GRM8: variants seen among roughly 807,000 people sequenced by gnomAD.
The protein encoded by GRM8 is metabotropic glutamate receptor 8.
GRM8 carries 47 observed loss-of-function variants against 87.2 expected under a neutral mutation model. That is an observed-to-expected ratio of 0.54 (90% CI 0.43 to 0.69). GRM8 has a LOEUF of 0.69. Among genes scored for constraint, GRM8 ranks in the 30% least tolerant of loss-of-function variants. The probability of loss-of-function intolerance (pLI) is 0.00; values close to 1 mark genes in which losing one functional copy is unlikely to be tolerated. For synonymous variants in GRM8, 396 were observed against 404.5 expected (o/e 0.98, Z 0.25); for missense variants, 1,019 against 1,139.2 (o/e 0.89, Z 1.52).
At chr7:126,653,481 A>G (rs1054848487) in intron 7 of GRM8, among the ~76,000 whole-genome samples, 3 of 152,310 alleles carry the variant, frequency 2.0e-5, no homozygotes, top group Middle Eastern at 3.4e-3. Context: ...GTCTCAAATT[A>G]TATTAAATAA....
chr7:126,557,417 C>G (rs370910432), intron 8 of GRM8, among the ~76,000 whole-genome samples: 2 of 152,306 alleles, frequency 1.3e-5, no homozygotes, highest in East Asian at 3.9e-4. Flanking sequence ...TTCTCGCACA[C>G]CAGCACAGGG....
At chr7:126,770,271 CA>C (rs1217114404) in intron 6 of GRM8, among the ~76,000 whole-genome samples, 1 of 152,084 alleles carries the variant, frequency 6.6e-6, no homozygotes, top group African/African-American at 2.4e-5. Flanking sequence ...TCATTAGCAA[CA>C]AAAAGATATA....
intron 9 of GRM8, among the ~76,000 whole-genome samples, chr7:126,484,622 A>T (rs1348161005): frequency 1.3e-5 from 2 of 152,200 alleles, no homozygotes; most frequent in East Asian, 3.9e-4. Flanking sequence ...CTTTACTCCA[A>T]GCAAGAAATT....
At chr7:127,108,211 A>G (rs1826000690) in intron 2 of GRM8, among the ~76,000 whole-genome samples, 1 of 152,140 alleles carries the variant, frequency 6.6e-6, no homozygotes, top group Non-Finnish European at 1.5e-5. Context: ...GACTACTCGC[A>G]AGGACACCCC....
chr7:126,794,716 G>C (rs1821770293), intron 6 of GRM8, among the ~76,000 whole-genome samples: 1 of 152,156 alleles, frequency 6.6e-6, no homozygotes, highest in South Asian at 2.1e-4. Flanking sequence ...GTTTGTCAAA[G>C]TGTGGTGGTT....
At chr7:127,173,815 G>A (rs1249307139) in intron 2 of GRM8, among the ~76,000 whole-genome samples, 1 of 152,084 alleles carries the variant, frequency 6.6e-6, no homozygotes, top group Non-Finnish European at 1.5e-5. Flanking sequence ...CGCACACCTG[G>A]TCAACCCTTT....
chr7:127,129,467 C>T (rs1827555269), intron 2 of GRM8, among the ~76,000 whole-genome samples: 1 of 152,216 alleles, frequency 6.6e-6, no homozygotes, highest in South Asian at 2.1e-4. Flanking sequence ...TATACATGTA[C>T]TCATGTAAGT....
intron 3 of GRM8, among the ~76,000 whole-genome samples, chr7:126,991,666 T>C (rs1217368877): frequency 1.3e-5 from 2 of 152,020 alleles, no homozygotes; most frequent in Non-Finnish European, 2.9e-5. Flanking sequence ...AATAAAAAAA[T>C]CATGATGGCC....
chr7:126,698,172 C>G (rs1809575976), intron 7 of GRM8, among the ~76,000 whole-genome samples: 1 of 152,106 alleles, frequency 6.6e-6, no homozygotes, highest in Admixed American at 6.6e-5. Flanking sequence ...TGCCGCTTCT[C>G]TGGTCATCTT....
chr7:126,555,293 G>A (rs1300480203), intron 8 of GRM8, among the ~76,000 whole-genome samples: 2 of 152,222 alleles, frequency 1.3e-5, no homozygotes, highest in Admixed American at 1.3e-4. Context: ...AGCAAACTAC[G>A]TAAATGATGA....
intron 9 of GRM8, among the ~76,000 whole-genome samples, chr7:126,507,740 T>A (rs1367230307): frequency 6.6e-6 from 1 of 152,056 alleles, no homozygotes; most frequent in African/African-American, 2.4e-5. Flanking sequence ...GAATGGAACA[T>A]CTGCTCTTAT....
chr7:126,822,719 A>G (rs146787000), intron 6 of GRM8, among the ~76,000 whole-genome samples: 83 of 152,094 alleles, frequency 5.5e-4, no homozygotes, highest in African/African-American at 2.0e-3. Context: ...ATAGACTCCT[A>G]TCTCTTAGTG....
chr7:126,654,469 G>T (rs1160330253), intron 7 of GRM8, among the ~76,000 whole-genome samples: 3 of 152,188 alleles, frequency 2.0e-5, no homozygotes, highest in African/African-American at 7.2e-5. Context: ...AAAGAGCCTT[G>T]CTGAGGTAAG....
At chr7:127,084,701 C>G (rs1489695635) in intron 3 of GRM8, 2 of 152,170 alleles carry the variant, frequency 1.3e-5, no homozygotes, top group Non-Finnish European at 2.9e-5. Flanking sequence ...CTTGGCCAAG[C>G]CTGAAGATCT....
intron 2 of GRM8, among the ~76,000 whole-genome samples, chr7:127,200,688 A>G (rs1305890005): frequency 6.6e-6 from 1 of 152,092 alleles, no homozygotes; most frequent in Non-Finnish European, 1.5e-5. Context: ...TATCACTCCA[A>G]TCTCTGCTTC....
At chr7:126,732,189 T>C (rs1377899545) in intron 7 of GRM8, among the ~76,000 whole-genome samples, 1 of 152,118 alleles carries the variant, frequency 6.6e-6, no homozygotes, top group Non-Finnish European at 1.5e-5. Flanking sequence ...TTTAATATAA[T>C]TTCAATAAAC....
intron 3 of GRM8, among the ~76,000 whole-genome samples, chr7:126,914,676 C>CA (rs916627491): frequency 6.6e-6 from 1 of 152,118 alleles, no homozygotes; most frequent in African/African-American, 2.4e-5. Context: ...AAACAGAAAA[C>CA]AAAATATTTC....
chr7:126,646,358 C>G (rs1803092190), intron 7 of GRM8, among the ~76,000 whole-genome samples: 1 of 149,302 alleles, frequency 6.7e-6, no homozygotes, highest in Admixed American at 6.7e-5. Flanking sequence ...TACCCTGATC[C>G]TTCTTCAGCT....
intron 6 of GRM8, among the ~76,000 whole-genome samples, chr7:126,830,742 G>A (rs996851210): frequency 6.6e-6 from 1 of 152,214 alleles, no homozygotes; most frequent in Non-Finnish European, 1.5e-5. Flanking sequence ...TCTGTTGCTG[G>A]TGAGGAACTG....
Sources: gnomAD v4.1 joint callset for allele counts (sites outside exome capture counted in the v4.1 genomes callset) on GRCh38, gnomAD v4.1.1 for gene constraint, MANE v1.5 for transcripts, NCBI Gene and HGNC (gene_info 2026-07-23, HGNC 2026-07-21) for gene names.